The following MTF1 variants were observed in gnomAD, a reference collection of about 807,000 sequenced individuals.
The protein encoded by MTF1 is metal regulatory transcription factor 1.
A neutral mutation model predicts 70.4 loss-of-function variants in MTF1; 22 were observed. The ratio of observed to expected loss-of-function variants is 0.31; its 90% CI spans 0.22 to 0.45. The LOEUF is 0.45. Ranked by LOEUF, MTF1 falls within the 20% of genes least tolerant of loss-of-function variation. The pLI is 1.00. For synonymous variants in MTF1, 333 were observed against 352.8 expected (o/e 0.94, Z 0.63); for missense variants, 649 against 922.0 (o/e 0.70, Z 3.83).
intron 1 of MTF1, chr1:37,858,639 G>A (rs1217088789): frequency 2.6e-5 from 4 of 152,112 alleles, no homozygotes; most frequent in Non-Finnish European, 4.4e-5. Flanking sequence ...TGAATCAATT[G>A]AGTCTTATTA....
intron 6 of MTF1, 78 bp from the exon 7 acceptor site, chr1:37,832,400 T>C: frequency 1.1e-6 from 1 of 903,892 alleles, no homozygotes; most frequent in Non-Finnish European, 1.8e-6. Flanking sequence ...AAACATTTGA[T>C]TACAAAGTCC....
chr1:37,859,250 G>A (rs1311057871), intron 1 of MTF1, among the ~76,000 whole-genome samples: 1 of 152,162 alleles, frequency 6.6e-6, no homozygotes, highest in Non-Finnish European at 1.5e-5. Context: ...GAGGAGGCTG[G>A]GAAAAGGAAC....
At chr1:37,828,398 C>T (rs991438880) in intron 7 of MTF1, among the ~76,000 whole-genome samples, 5 of 152,262 alleles carry the variant, frequency 3.3e-5, no homozygotes, top group East Asian at 1.9e-4. Flanking sequence ...TCTGCCGCCA[C>T]GGTTCAAGTG....
chr1:37,825,620 C>T (rs1640990914), intron 7 of MTF1, among the ~76,000 whole-genome samples: 1 of 152,178 alleles, frequency 6.6e-6, no homozygotes, highest in Admixed American at 6.5e-5. Flanking sequence ...TGCATTTGAA[C>T]TGCACAAGTG....
At chr1:37,845,199 T>C (rs192132628) in intron 2 of MTF1, among the ~76,000 whole-genome samples, 19 of 152,282 alleles carry the variant, frequency 1.2e-4, no homozygotes, top group South Asian at 2.1e-4. Context: ...ACTGAAAAGG[T>C]AGTGACAAGG....
At chr1:37,844,189 A>G (rs1444739638) in intron 2 of MTF1, among the ~76,000 whole-genome samples, 1 of 152,140 alleles carries the variant, frequency 6.6e-6, no homozygotes, top group Admixed American at 6.6e-5. Context: ...CTTCTATCAC[A>G]TTACTCAGTA....
chr1:37,856,746 C>A (rs11485996), intron 2 of MTF1, among the ~76,000 whole-genome samples: 2 of 150,988 alleles, frequency 1.3e-5, no homozygotes, highest in African/African-American at 2.4e-5. Flanking sequence ...ATGATCCACC[C>A]GCCTCAGCCT....
chr1:37,854,041 C>T (rs1007054347), intron 2 of MTF1, among the ~76,000 whole-genome samples: 5 of 152,104 alleles, frequency 3.3e-5, no homozygotes, highest in African/African-American at 1.2e-4. Context: ...GAGTTTTGCT[C>T]TTGTTGCCCA....
Position 37,859,537 on chromosome 1 carries a change from G to A in MTF1, c.-58C>T. The A allele has an allele frequency of 2.5e-6, 1 of 399,006 alleles. No individual in the cohort carries two copies. 24.7% of individuals were successfully genotyped at this position (399,006 alleles called of 1,614,324 possible). A position where few individuals can be genotyped will look rare whatever the true frequency, so the allele number is the denominator to read the frequency against. ...GTCTAGTTTCGCCTTTTACCTCCGC[G>A]GCTCCCGGCAACGGCGGCAGCAGCA... On this transcript the variant is annotated 5_prime_UTR_variant, in exon 1 of 11. Transcript: ENST00000373036.
chr1:37,858,754 G>T (rs1295693664), intron 1 of MTF1, among the ~76,000 whole-genome samples: 1 of 152,198 alleles, frequency 6.6e-6, no homozygotes, highest in East Asian at 1.9e-4. Context: ...CTCTCGTGAA[G>T]ATATACTATC....
At chr1:37,857,014 T>C (rs991881401) in intron 2 of MTF1, among the ~76,000 whole-genome samples, 2 of 152,220 alleles carry the variant, frequency 1.3e-5, no homozygotes, top group African/African-American at 2.4e-5. Context: ...TTATTTATGA[T>C]TTGGGGAAGG....
At position 37,840,562 on chromosome 1, in the gene MTF1, T is replaced by G; in HGVS notation, c.409-404A>C. 2.2e-6 allele frequency: 1 copy of G among 448,612 alleles called. No homozygotes were observed. The highest frequency in any genetic ancestry group is 4.4e-6 in the Non-Finnish European group (1 of 226,116). The allele number at this position is 448,612 out of a possible 1,614,324, so 27.8% of individuals were successfully genotyped here. A position where few individuals can be genotyped will look rare whatever the true frequency, so the allele number is the denominator to read the frequency against. On this transcript the variant is annotated intron_variant, in intron 2 of 10. Transcript: ENST00000373036. This position sits in a 1 kb window ranked among gnomAD's most constrained non-coding sequence, Gnocchi z 4.5. ...CTTGATTGGAATTACCAATATTAAA[T>G]TGAGTTTAAAACATCTGGAAATTTA...
In MTF1 at chr1:37,823,185, T is replaced by C. The variant is rs553162817; in HGVS notation, c.1172-469A>G. 3.3e-5 allele frequency among the ~76,000 whole-genome samples: 5 copies of C among 152,106 alleles called. 1 individual carries two copies. The highest frequency in any genetic ancestry group is 1.2e-4 in the African/African-American group (5 of 41,478). The stretch of plus-strand genomic sequence containing the variant: ...GCATGGTGGCTCACGCCTGTAGTCT[T>C]AGAACTTTGGGAGGCTGAGGCGGGT... On this transcript the variant is annotated intron_variant, in intron 8 of 10. Transcript: ENST00000373036.
intron 2 of MTF1, among the ~76,000 whole-genome samples, chr1:37,844,041 C>T (rs1641296744): frequency 1.3e-5 from 2 of 152,234 alleles, no homozygotes. Context: ...CTTCTCACGT[C>T]TCAGGACCTA....
Position 37,823,754 on chromosome 1 carries a change from T to C in MTF1, c.1127A>G (p.Gln376Arg). 1 of 1,614,142 alleles carries C rather than the reference T, an allele frequency of 6.2e-7. No homozygotes were observed. The highest frequency in any genetic ancestry group is 8.5e-7 in the Non-Finnish European group (1 of 1,179,984). Residue 376 changes from glutamine (Q) to arginine (R), a missense_variant, in exon 8 of 11, where the codon CAG becomes CGG. Physicochemically the swap from Gln to Arg is conservative, Grantham distance 43 (BLOSUM62 1). Coordinates refer to ENST00000373036, the MANE Select transcript of MTF1 (RefSeq NM_005955.3). Reference protein sequence around the residue: ...SPAIIFESMFQNSDDTAIQED... With the variant: ...SPAIIFESMFRNSDDTAIQED... The stretch of plus-strand genomic sequence containing the variant: ...CTGAATTGCCGTATCATCTGAATTC[T>C]GGAACATTGATTCAAAGATGATTGC...
At position 37,822,613 on chromosome 1, in the gene MTF1, A is replaced by T; in HGVS notation, c.1275T>A (p.Pro425=). 6.2e-7 allele frequency: 1 copy of T among 1,614,034 alleles called. No homozygotes were observed. The highest frequency in any genetic ancestry group is 8.5e-7 in the Non-Finnish European group (1 of 1,180,012). ...ASLSLPLVLQ[P]GLSEPPQPLL... is the part of the protein sequence containing the mutation. Reference sequence around the variant, plus strand: ...GAGGCTGGGGTGGCTCGGAGAGGCCAGGTTGCAGTACAAGTGGAAGAGATA... The same window carrying T: ...GAGGCTGGGGTGGCTCGGAGAGGCCTGGTTGCAGTACAAGTGGAAGAGATA... Residue 425 remains proline, a synonymous_variant, in exon 9 of 11, where the codon CCT becomes CCA. Transcript: ENST00000373036.
intron 9 of MTF1, among the ~76,000 whole-genome samples, chr1:37,817,973 T>G (rs992010151): frequency 6.6e-6 from 1 of 152,226 alleles, no homozygotes; most frequent in Non-Finnish European, 1.5e-5. Flanking sequence ...TGCTGTAAGG[T>G]GCACAGCATA....
chr1:37,852,500 CT>C (rs1348941511), intron 2 of MTF1, among the ~76,000 whole-genome samples: 1 of 152,220 alleles, frequency 6.6e-6, no homozygotes, highest in Non-Finnish European at 1.5e-5. Context: ...GTTAAAATAT[CT>C]ACCACAACGG....
At chr1:37,835,580 C>CCCTGTA in intron 5 of MTF1, 91 bp downstream of exon 5, 1 of 953,156 alleles carries the variant, frequency 1.0e-6, no homozygotes, top group Non-Finnish European at 1.7e-6. Context: ...TATACAGGAT[C>CCCTGTA]TATATCTCTG....
Sources: allele counts gnomAD v4.1 joint callset (sites outside exome capture counted in the v4.1 genomes callset), GRCh38; gene constraint gnomAD v4.1.1; non-coding constraint Gnocchi (gnomAD v3.1); transcripts MANE v1.5; gene names NCBI Gene and HGNC (gene_info 2026-07-23, HGNC 2026-07-21).